Variants in DOCK10 observed in about 807,000 individuals in gnomAD.
DOCK10 encodes dedicator of cytokinesis protein 10.
In DOCK10, 145 loss-of-function variants were observed where a neutral mutation model predicts 280.1. The observed-to-expected ratio is 0.52, with a 90% confidence interval of 0.45 to 0.59. The LOEUF is 0.59. Ranked by LOEUF, DOCK10 falls within the 20% of genes least tolerant of loss-of-function variation. The pLI is 0.00. For missense variants in DOCK10, 2,368 were observed against 2,651.7 expected, an observed-to-expected ratio of 0.89 and a Z score of 2.35; for synonymous variants, 915 against 942.2, an observed-to-expected ratio of 0.97 and a Z score of 0.53.
In DOCK10 at chr2:224,862,694, T is replaced by C; in HGVS notation, c.1655A>G (p.Lys552Arg). The C allele has an allele frequency of 1.2e-6, 2 of 1,612,836 alleles. No individual in the cohort carries two copies. The highest frequency in any genetic ancestry group is 1.7e-6 in the Non-Finnish European group (2 of 1,179,302). The change falls in exon 14 of 56, where the codon AAA becomes AGA. Residue 552 changes from lysine to arginine, a missense_variant. Lys to Arg is a conservative substitution (Grantham distance 26). Coordinates refer to ENST00000258390, the MANE Select transcript of DOCK10 (RefSeq NM_014689.3). Reference protein sequence around the residue: ...SNRQFCSKLGKYRMPFAWAVR... With the variant: ...SNRQFCSKLGRYRMPFAWAVR... Reference sequence around the variant, plus strand: ...TGCCCAAGCAAAAGGCATACGGTATTTTCCCAATTTGCTGCAGAATTGTCT... The same window carrying C: ...TGCCCAAGCAAAAGGCATACGGTATCTTCCCAATTTGCTGCAGAATTGTCT...
intron 50 of DOCK10, among the ~76,000 whole-genome samples, chr2:224,785,441 T>C (rs979696544): frequency 1.3e-5 from 2 of 152,188 alleles, no homozygotes; most frequent in Admixed American, 1.3e-4. Flanking sequence ...GTGATACTTA[T>C]CTTTTCCAGG....
At chr2:224,837,906 C>A in intron 24 of DOCK10, 75 bp from the exon 25 acceptor site, 2 of 1,147,136 alleles carry the variant, frequency 1.7e-6, no homozygotes, top group South Asian at 1.2e-5. Context: ...CATTACAGTG[C>A]TTTGTAAATT....
chr2:224,961,229 A>T (rs921241973), intron 1 of DOCK10, among the ~76,000 whole-genome samples: 4 of 152,186 alleles, frequency 2.6e-5, no homozygotes, highest in African/African-American at 9.7e-5. Context: ...GATGACAGAG[A>T]AGAGATTTAC....
At chr2:224,834,750 T>C (rs925943789) in intron 25 of DOCK10, among the ~76,000 whole-genome samples, 49 of 152,204 alleles carry the variant, frequency 3.2e-4, no homozygotes, top group African/African-American at 1.1e-3. Flanking sequence ...AAGGCGTTCA[T>C]GAACATTGGC....
chr2:224,819,359 G>A, intron 29 of DOCK10, 87 bp downstream of exon 29: 2 of 806,936 alleles, frequency 2.5e-6, no homozygotes, highest in Non-Finnish European at 3.9e-6. Flanking sequence ...TACAGAGAAT[G>A]GACTTAAGCA....
chr2:225,004,439 T>G (rs559588508), intron 1 of DOCK10, among the ~76,000 whole-genome samples: 2 of 152,348 alleles, frequency 1.3e-5, no homozygotes, highest in South Asian at 4.1e-4. Flanking sequence ...CTGACTTGAT[T>G]TTGGACTTCT....
intron 1 of DOCK10, among the ~76,000 whole-genome samples, chr2:224,979,276 C>G (rs1705620710): frequency 6.6e-6 from 1 of 152,208 alleles, no homozygotes; most frequent in Non-Finnish European, 1.5e-5. Flanking sequence ...CCGGTAGGTA[C>G]TGTTACTTTT....
At chr2:224,800,291 A>G (rs1692894650) in intron 40 of DOCK10, 28 bp from the exon 41 acceptor site, 1 of 1,439,020 alleles carries the variant, frequency 6.9e-7, no homozygotes, top group Non-Finnish European at 9.7e-7. Context: ...AAACATGCGT[A>G]AAAGTCTAAG....
intron 1 of DOCK10, chr2:224,983,639 T>C (rs147738948): frequency 1.0e-5 from 4 of 396,910 alleles, no homozygotes; most frequent in African/African-American, 6.3e-5. Context: ...CGGAAGCATC[T>C]AGCATGATGC....
chr2:224,892,147 A>C (rs1699703439), intron 4 of DOCK10, among the ~76,000 whole-genome samples: 3 of 152,142 alleles, frequency 2.0e-5, no homozygotes, highest in Non-Finnish European at 4.4e-5. Flanking sequence ...CTGTAATCCC[A>C]GCACTTTGGG....
intron 1 of DOCK10, among the ~76,000 whole-genome samples, chr2:224,973,418 A>C (rs1266717005): frequency 1.3e-5 from 2 of 152,102 alleles, no homozygotes; most frequent in African/African-American, 4.8e-5. Flanking sequence ...GTGAAAGAGG[A>C]AGGTGGGAGA....
chr2:224,850,015 G>C (rs1410624161), intron 18 of DOCK10, among the ~76,000 whole-genome samples: 1 of 152,102 alleles, frequency 6.6e-6, no homozygotes, highest in African/African-American at 2.4e-5. Flanking sequence ...AAGACCAACT[G>C]TACCCAGCAT....
chr2:224,801,303 ACATATTTGGGGAT>A (rs1692996480), intron 40 of DOCK10, among the ~76,000 whole-genome samples: 1 of 146,036 alleles, frequency 6.8e-6, no homozygotes, highest in African/African-American at 2.5e-5. Flanking sequence ...AAAAAAAAAA[ACATATTTGGGGAT>A]AAAATATTTT....
chr2:224,773,843 G>A (rs1323629311), intron 52 of DOCK10, among the ~76,000 whole-genome samples: 2 of 151,946 alleles, frequency 1.3e-5, no homozygotes, highest in Non-Finnish European at 2.9e-5. Flanking sequence ...TGTTGGCCAG[G>A]ATGGTCTTGA....
chr2:224,768,086 T>G (rs1399060929), intron 55 of DOCK10, among the ~76,000 whole-genome samples: 1 of 151,962 alleles, frequency 6.6e-6, no homozygotes, highest in Non-Finnish European at 1.5e-5. Flanking sequence ...CTAATTTTTT[T>G]TTGTATTTTT....
At chr2:225,039,466 G>A (rs1019663023) in intron 1 of DOCK10, among the ~76,000 whole-genome samples, 2 of 152,174 alleles carry the variant, frequency 1.3e-5, no homozygotes, top group Admixed American at 1.3e-4. Context: ...GTTCTTGGGA[G>A]GGGTGAAGAA....
chr2:224,838,469 A>G (rs886076092), intron 24 of DOCK10, among the ~76,000 whole-genome samples: 1 of 152,312 alleles, frequency 6.6e-6, no homozygotes, highest in East Asian at 1.9e-4. Flanking sequence ...CAGCTGCAAT[A>G]TCTAGGAGTC....
At chr2:224,902,280 C>A (rs1399219968) in intron 3 of DOCK10, among the ~76,000 whole-genome samples, 1 of 151,870 alleles carries the variant, frequency 6.6e-6, no homozygotes, top group East Asian at 1.9e-4. Flanking sequence ...TTTTCAGATG[C>A]AAAATTATTT....
At chr2:224,925,656 G>A (rs997141723) in intron 2 of DOCK10, among the ~76,000 whole-genome samples, 1 of 152,152 alleles carries the variant, frequency 6.6e-6, no homozygotes, top group African/African-American at 2.4e-5. Flanking sequence ...AGTTTTACTG[G>A]TGTGGACAAA....
Sources: allele counts gnomAD v4.1 joint callset (sites outside exome capture counted in the v4.1 genomes callset), GRCh38; gene constraint gnomAD v4.1.1; transcripts MANE v1.5; gene names NCBI Gene and HGNC (gene_info 2026-07-23, HGNC 2026-07-21).